PGAP3: variants seen among roughly 807,000 people sequenced by gnomAD.
PGAP3 encodes GPI-specific phospholipase A2-like PGAP3.
A neutral mutation model predicts 40.3 loss-of-function variants in PGAP3; 31 were observed. The ratio of observed to expected loss-of-function variants is 0.77; its 90% confidence interval spans 0.58 to 1.04. The LOEUF is 1.04. Among genes scored for constraint, PGAP3 ranks in the 50% least tolerant of loss-of-function variants. PGAP3 has a pLI of 0.00. For synonymous variants in PGAP3, 191 were observed against 184.5 expected, an observed-to-expected ratio of 1.04 and a Z score of -0.29; for missense variants, 413 against 423.0, an observed-to-expected ratio of 0.98 and a Z score of 0.21.
At chr17:39,686,532 A>G (rs1054627952) in intron 1 of PGAP3, among the ~76,000 whole-genome samples, 1 of 146,642 alleles carries the variant, frequency 6.8e-6, no homozygotes, top group Non-Finnish European at 1.5e-5. Flanking sequence ...CGGGGATTGC[A>G]GGCACGAGCC....
At chr17:39,680,922 GA>G (rs1248257721) in intron 3 of PGAP3, among the ~76,000 whole-genome samples, 1 of 151,952 alleles carries the variant, frequency 6.6e-6, no homozygotes, top group African/African-American at 2.4e-5. Context: ...AGAGTACAGT[GA>G]CAGGATCACA....
At chr17:39,673,829 C>G in intron 5 of PGAP3, 164 bp downstream of exon 5, 1 of 1,189,348 alleles carries the variant, frequency 8.4e-7, no homozygotes, top group Non-Finnish European at 1.2e-6. Context: ...AGCCAGGGCC[C>G]CCAGTCCTAC....
chr17:39,687,705 G>C (rs2145166152), intron 1 of PGAP3, 129 bp downstream of exon 1: 1 of 654,162 alleles, frequency 1.5e-6, no homozygotes, highest in Non-Finnish European at 2.3e-6. Flanking sequence ...CATCACCTTA[G>C]GGGCTTCACT....
chr17:39,683,316 C>T (rs2057466178), intron 3 of PGAP3, among the ~76,000 whole-genome samples: 1 of 152,106 alleles, frequency 6.6e-6, no homozygotes, highest in South Asian at 2.1e-4. Flanking sequence ...CTCAAATTTA[C>T]CTAGTTAACA....
At chr17:39,675,894 C>T (rs931664485) in intron 3 of PGAP3, among the ~76,000 whole-genome samples, 2 of 152,206 alleles carry the variant, frequency 1.3e-5, no homozygotes, top group African/African-American at 4.8e-5. Flanking sequence ...TGCTTCTGCT[C>T]CTCTTGACCT....
intron 3 of PGAP3, among the ~76,000 whole-genome samples, chr17:39,675,118 C>T (rs961112298): frequency 1.3e-5 from 2 of 151,650 alleles, no homozygotes; most frequent in Non-Finnish European, 2.9e-5. Context: ...TGGAGGGGCT[C>T]GAGCCAGCTT....
At chr17:39,687,738 G>A in intron 1 of PGAP3, 96 bp downstream of exon 1, 2 of 996,028 alleles carry the variant, frequency 2.0e-6, no homozygotes, top group Non-Finnish European at 2.7e-6. Context: ...AGACCTCGTG[G>A]GGAAACTAAG....
chr17:39,684,797 A>C, intron 2 of PGAP3, 48 bp from the exon 3 acceptor site: 1 of 1,512,786 alleles, frequency 6.6e-7, no homozygotes, highest in African/African-American at 1.4e-5. Flanking sequence ...GCAACCCTCA[A>C]CTGGCCCAGT....
chr17:39,684,124 C>CAAAAAAAAA (rs58205601), intron 3 of PGAP3, among the ~76,000 whole-genome samples: 3 of 64,366 alleles, frequency 4.7e-5, no homozygotes, highest in Admixed American at 1.8e-4. Context: ...GACTCTGTCT[C>CAAAAAAAAA]AAAAAAAAAA....
rs756036452 is a variant in PGAP3, at chr17:39,674,069, G to A, written c.496-15C>T. ...TAGTCCATTTTCTGAGGACAGGGAA[G>A]GGTGGTGAGGGACCAGCATGAGGCT... On this transcript the variant is annotated splice_polypyrimidine_tract_variant and intron_variant, in intron 4 of 7. Coordinates refer to ENST00000300658, the MANE Select transcript of PGAP3 (RefSeq NM_033419.5). 1.2e-6 allele frequency: 2 copies of A among 1,612,142 alleles called. No homozygotes were observed. Among genetic ancestry groups the A allele is most frequent in the African/African-American group, 1.3e-5 (1 of 74,992 alleles).
chr17:39,683,022 G>C (rs1177105758), intron 3 of PGAP3, among the ~76,000 whole-genome samples: 4 of 152,088 alleles, frequency 2.6e-5, no homozygotes, highest in African/African-American at 9.7e-5. Context: ...GTTGCAGCGA[G>C]CCAAGATAGC....
intron 3 of PGAP3, among the ~76,000 whole-genome samples, chr17:39,678,860 C>A (rs940834314): frequency 6.6e-6 from 1 of 152,142 alleles, no homozygotes; most frequent in Admixed American, 6.6e-5. Flanking sequence ...ATGAGGGGGT[C>A]CCATGTCCCA....
chr17:39,673,439 A>T (rs1381657314), intron 6 of PGAP3, 75 bp downstream of exon 6: 2 of 1,599,488 alleles, frequency 1.3e-6, no homozygotes, highest in East Asian at 2.2e-5. Context: ...CTCCTTCTCC[A>T]GGAATGGCAC....
chr17:39,686,415 C>A (rs2057524426), intron 1 of PGAP3, among the ~76,000 whole-genome samples: 1 of 151,950 alleles, frequency 6.6e-6, no homozygotes, highest in Non-Finnish European at 1.5e-5. Flanking sequence ...CACCACCACA[C>A]CCAACTAATT....
chr17:39,679,071 G>T (rs977989628), intron 3 of PGAP3, among the ~76,000 whole-genome samples: 17 of 151,958 alleles, frequency 1.1e-4, no homozygotes, highest in African/African-American at 4.1e-4. Context: ...TCAGCCTCCC[G>T]AGTAGCTGGG....
chr17:39,673,115 A>G lies in PGAP3; in HGVS notation c.835T>C (p.Trp279Arg). The G allele has an allele frequency of 6.2e-7, 1 of 1,608,758 alleles. No individual in the cohort carries two copies. The change falls in exon 7 of 8, where the codon TGG becomes CGG. Residue 279 changes from tryptophan (W) to arginine (R), a missense_variant. Coordinates refer to ENST00000300658, the MANE Select transcript of PGAP3 (RefSeq NM_033419.5). ...LELLDFPPLFWVLDAHAIWHI... is the reference protein window; with the variant it reads ...LELLDFPPLFRVLDAHAIWHI... ...CAGATGGCATGGGCATCCAGGACCC[A>G]GAAGAGCGGTGGGAAGTCAAGCAGC... is the stretch of plus-strand genomic sequence containing the variant.
At chr17:39,677,111 G>A (rs2057384252) in intron 3 of PGAP3, among the ~76,000 whole-genome samples, 1 of 152,210 alleles carries the variant, frequency 6.6e-6, no homozygotes, top group African/African-American at 2.4e-5. Flanking sequence ...AACCCAGTAT[G>A]TGTGAGCCTC....
intron 1 of PGAP3, 37 bp downstream of exon 1, chr17:39,687,797 A>G: frequency 1.5e-6 from 2 of 1,332,660 alleles, no homozygotes; most frequent in African/African-American, 1.5e-5. Flanking sequence ...CGGGAGCAAG[A>G]CAAATGGGCG....
chr17:39,672,553 A>C lies in PGAP3; in HGVS notation c.*250T>G. 1 of 572,878 alleles carries C rather than the reference A, an allele frequency of 1.7e-6. No individual in the cohort carries two copies. Among genetic ancestry groups the C allele is most frequent in the Non-Finnish European group, 3.1e-6 (1 of 319,456 alleles). The allele number at this position is 572,878 out of a possible 1,614,324, so 35.5% of individuals were successfully genotyped here. ...CTAAGAGCACACTCAGTTCCACCCC[A>C]GTTCAGCTCCAGGAGGTAGAGGGGC... On this transcript the variant is annotated 3_prime_UTR_variant, in exon 8 of 8. Coordinates refer to ENST00000300658, the MANE Select transcript of PGAP3 (RefSeq NM_033419.5).
Sources: gnomAD v4.1 joint callset for allele counts (sites outside exome capture counted in the v4.1 genomes callset) on GRCh38, gnomAD v4.1.1 for gene constraint, MANE v1.5 for transcripts, NCBI Gene and HGNC (gene_info 2026-07-23, HGNC 2026-07-21) for gene names.